The following EOGT variants were observed in gnomAD, a reference collection of about 807,000 sequenced individuals.
EOGT encodes the protein EGF domain-specific O-linked N-acetylglucosamine transferase.
A neutral mutation model predicts 70.5 loss-of-function variants in EOGT; 55 were observed. The ratio of observed to expected loss-of-function variants is 0.78; its 90% CI spans 0.63 to 0.98. EOGT has a LOEUF of 0.98. Among genes scored for constraint, EOGT ranks in the 50% least tolerant of loss-of-function variants. The probability of loss-of-function intolerance (pLI) is 0.00; values close to 1 mark genes in which losing one functional copy is unlikely to be tolerated. For missense variants in EOGT, 703 were observed against 641.9 expected (o/e 1.10, Z -1.03); for synonymous variants, 246 against 217.1 (o/e 1.13, Z -1.17).
At chr3:68,982,199 G>A (rs997483068) in intron 15 of EOGT, among the ~76,000 whole-genome samples, 16 of 152,106 alleles carry the variant, frequency 1.1e-4, no homozygotes, top group African/African-American at 3.4e-4. Context: ...GTGAGCCATC[G>A]TGGCCAGTCT....
intron 5 of EOGT, 46 bp downstream of exon 5, chr3:69,008,382 A>T: frequency 2.2e-6 from 3 of 1,342,038 alleles, no homozygotes; most frequent in Non-Finnish European, 3.2e-6. Context: ...CATACACTGT[A>T]TAGAAAGAGG....
rs13321417 is a variant in EOGT, at chr3:68,983,044, G to A, written c.1153-172C>T. On this transcript the variant is annotated intron_variant, in intron 14 of 17. Transcript: ENST00000383701. ...TAAATAAATATCATTCAGGTCAATA[G>A]TTCTGAACTGTCATTAAGTTCAAAT... Among the ~76,000 whole-genome samples, 4,410 of 152,182 alleles carry A rather than the reference G, an allele frequency of 0.029. 221 individuals are homozygous for A. Among genetic ancestry groups the A allele is most frequent in the African/African-American group, 0.1 (4,192 of 41,498 alleles).
intron 10 of EOGT, among the ~76,000 whole-genome samples, chr3:68,994,427 C>CT (rs987293028): frequency 1.3e-5 from 2 of 152,106 alleles, no homozygotes; most frequent in Non-Finnish European, 1.5e-5. Context: ...AAGAAGGAGA[C>CT]TTTTTTAAAA....
rs1245599670 is a variant in EOGT, at chr3:68,976,424, C to G, written c.*1194G>C. 1.3e-5 allele frequency: 2 copies of G among 152,178 alleles called. No homozygotes were observed. Among genetic ancestry groups the G allele is most frequent in the Non-Finnish European group, 2.9e-5 (2 of 68,036 alleles). The allele number at this position is 152,178 out of a possible 1,614,324, so 9.4% of individuals were successfully genotyped here. A position where few individuals can be genotyped will look rare whatever the true frequency, so the allele number is the denominator to read the frequency against. On this transcript the variant is annotated 3_prime_UTR_variant, in exon 18 of 18. Transcript: ENST00000383701. ...TAAGAAGGAATCAGTGGAAACCAGA[C>G]AGAAGGTATGCAAGACAGTCCTACA... is the stretch of plus-strand genomic sequence containing the variant.
In EOGT at chr3:69,008,847, G is replaced by C. The variant is rs118095260; in HGVS notation, c.211-319C>G. On this transcript the variant is annotated intron_variant, in intron 4 of 17. Coordinates refer to ENST00000383701, the MANE Select transcript of EOGT (RefSeq NM_001278689.2). ...AACCACCTTTCTCAGTGAGCAAGCG[G>C]ATTCTAAAATCAGTCCCTAAAAGAC... 3.1e-4 allele frequency among the ~76,000 whole-genome samples: 47 copies of C among 152,280 alleles called. No homozygotes were observed. In the East Asian group the frequency reaches 6.9e-3, roughly 22 times the overall value.
Position 68,991,472 on chromosome 3 carries a change from G to C in EOGT, c.832-2455C>G, listed in dbSNP as rs2090991676. ...AACTGGAAACAAAACTAAATGTGATGGGGGGTGGAGTGGGAAATGAATACA... is the reference window on the plus strand; with the variant it reads ...AACTGGAAACAAAACTAAATGTGATCGGGGGTGGAGTGGGAAATGAATACA... On this transcript the variant is annotated intron_variant, in intron 10 of 17. Transcript: ENST00000383701. 2.0e-5 allele frequency among the ~76,000 whole-genome samples: 3 copies of C among 152,164 alleles called. No individual in the cohort carries two copies. The South Asian group carries it at 6.2e-4, about 32-fold the overall frequency.
At chr3:68,992,456 T>C (rs1575739943) in intron 10 of EOGT, among the ~76,000 whole-genome samples, 1 of 152,208 alleles carries the variant, frequency 6.6e-6, no homozygotes, top group East Asian at 1.9e-4. Context: ...ACATCCAGGT[T>C]ACACTGAAGC....
intron 10 of EOGT, among the ~76,000 whole-genome samples, chr3:68,992,000 A>T (rs543268784): frequency 6.6e-6 from 1 of 152,298 alleles, no homozygotes; most frequent in South Asian, 2.1e-4. Flanking sequence ...GGCCCTCATG[A>T]TTCAATTACC....
At chr3:69,005,053 C>T in intron 7 of EOGT, 87 bp downstream of exon 7, 1 of 736,512 alleles carries the variant, frequency 1.4e-6, no homozygotes, top group Non-Finnish European at 2.2e-6. Context: ...CAGAGCAAGA[C>T]CCTGTCTCAA....
intron 4 of EOGT, 112 bp from the exon 5 acceptor site, chr3:69,008,640 A>C (rs1230763908): frequency 8.4e-6 from 6 of 710,874 alleles, no homozygotes; most frequent in South Asian, 3.5e-5. Flanking sequence ...TACATTTATA[A>C]TACGTATTCT....
chr3:69,008,993 G>A (rs1018953764), intron 4 of EOGT, among the ~76,000 whole-genome samples: 4 of 152,184 alleles, frequency 2.6e-5, no homozygotes. Flanking sequence ...GCCACCCTTG[G>A]GAACCACCCA....
At chr3:68,997,959 C>T in intron 10 of EOGT, 52 bp downstream of exon 10, 1 of 1,063,524 alleles carries the variant, frequency 9.4e-7, no homozygotes, top group South Asian at 1.5e-5. Flanking sequence ...CAGAGTCACA[C>T]ACTGATACAA....
rs373649414 is a variant in EOGT at position 69,007,507 on chromosome 3, C to CGGG, written c.420+203_420+205dup. ...CCTTTACTAAAAATATAAAAATTAG[C>CGGG]GGGGGGGGGTGGCACGCGCCTGTAA... On this transcript the variant is annotated intron_variant, in intron 6 of 17. Coordinates refer to ENST00000383701, the MANE Select transcript of EOGT (RefSeq NM_001278689.2). Among the ~76,000 whole-genome samples, 5 of 24,780 alleles carry CGGG rather than the reference C, an allele frequency of 2.0e-4. 1 individual carries two copies. Among genetic ancestry groups the CGGG allele is most frequent in the African/African-American group, 2.9e-4 (2 of 6,848 alleles). The allele number at this position is 24,780 out of a possible 152,430, so 16.3% of individuals were successfully genotyped here. A position where few individuals can be genotyped will look rare whatever the true frequency, so the allele number is the denominator to read the frequency against.
At chr3:68,977,851 G>A (rs2090516351) in intron 17 of EOGT, 87 bp from the exon 18 acceptor site, 2 of 1,366,814 alleles carry the variant, frequency 1.5e-6, no homozygotes, top group Non-Finnish European at 9.9e-7. Flanking sequence ...CTTTGGTTAA[G>A]GCAACTAATT....
intron 1 of EOGT, among the ~76,000 whole-genome samples, chr3:69,013,301 C>T (rs1277874234): frequency 1.3e-5 from 2 of 151,732 alleles, no homozygotes; most frequent in African/African-American, 2.4e-5. Flanking sequence ...GGCTGGAAAC[C>T]TGGTCAACGC....
At chr3:68,987,163 C>T (rs1267995682) in intron 14 of EOGT, among the ~76,000 whole-genome samples, 1 of 152,152 alleles carries the variant, frequency 6.6e-6, no homozygotes, top group African/African-American at 2.4e-5. Context: ...CTTGTCTGTC[C>T]GGATGCCCTC....
chr3:69,009,496 A>C (rs568502211), intron 4 of EOGT, 141 bp downstream of exon 4: 2 of 626,740 alleles, frequency 3.2e-6, no homozygotes, highest in South Asian at 4.0e-5. Flanking sequence ...ACTTAGAAGT[A>C]TTATATGAAA....
chr3:69,004,418 A>G lies in EOGT; in HGVS notation c.580T>C (p.Leu194=). 1.9e-6 allele frequency: 3 copies of G among 1,614,218 alleles called. No individual in the cohort carries two copies. The highest frequency in any genetic ancestry group is 2.2e-5 in the East Asian group (1 of 44,874). The change falls in exon 8 of 18, where the codon TTG becomes CTG. Residue 194 remains leucine, a synonymous_variant. Transcript: ENST00000383701. ...CTTTTGCGCTGACCTTCAGACGTCA[A>G]TGTACGGATGTCAAGTTTACAGTGC... ...GGHCKLDIRT[L]TSEGQRKSPL...
Position 68,989,033 on chromosome 3 carries a change from A to G in EOGT, c.832-16T>C. 1 of 1,456,426 alleles carries G rather than the reference A, an allele frequency of 6.9e-7. No homozygotes were observed. 90.2% of individuals were successfully genotyped at this position (1,456,426 alleles called of 1,614,324 possible). A position where few individuals can be genotyped will look rare whatever the true frequency, so the allele number is the denominator to read the frequency against. On this transcript the variant is annotated splice_polypyrimidine_tract_variant and intron_variant, in intron 10 of 17. Coordinates refer to ENST00000383701, the MANE Select transcript of EOGT (RefSeq NM_001278689.2). ...CGTAAGAACTCTGAAAGTAGAAACA[A>G]AACAAGGTTTTAGGGCAATAAAAGG... is the stretch of plus-strand genomic sequence containing the variant.
Sources: gnomAD v4.1 joint callset for allele counts (sites outside exome capture counted in the v4.1 genomes callset) on GRCh38, gnomAD v4.1.1 for gene constraint, MANE v1.5 for transcripts, NCBI Gene and HGNC (gene_info 2026-07-23, HGNC 2026-07-21) for gene names.